CRISP2: variants seen among roughly 807,000 people sequenced by gnomAD.
CRISP2 encodes the protein cysteine rich secretory protein 2.
Under a neutral mutation model 31.7 loss-of-function variants are expected in CRISP2, and 29 were observed. The observed-to-expected ratio is 0.92, with a 90% CI of 0.68 to 1.25. The LOEUF is 1.25. Among genes scored for constraint, CRISP2 ranks in the 50% most tolerant of loss-of-function variants. The pLI, the probability that CRISP2 is intolerant of heterozygous loss-of-function variation, is 0.00. For missense variants in CRISP2, 318 were observed against 286.5 expected (o/e 1.11, Z -0.79); for synonymous variants, 111 against 101.4 (o/e 1.09, Z -0.57).
At chr6:49,699,719 GTCT>G in intron 6 of CRISP2, 82 bp downstream of exon 6, 1 of 939,182 alleles carries the variant, frequency 1.1e-6, no homozygotes, top group Non-Finnish European at 1.6e-6. Context: ...TATTTTCAAA[GTCT>G]TCTTATTATA....
chr6:49,678,565 T>A, the CRISP2 span, among the ~76,000 whole-genome samples: 140 of 152,242 alleles, frequency 9.2e-4, 2 homozygotes, highest in African/African-American at 3.2e-3. Context: ...CTCCCTGGCT[T>A]TCTGTTTCTC....
intron 4 of CRISP2, among the ~76,000 whole-genome samples, chr6:49,701,494 GTGTGTGTATA>G (rs1460076146): frequency 2.1e-4 from 9 of 43,002 alleles, no homozygotes; most frequent in African/African-American, 1.3e-3. Context: ...ACGTGTGTGT[GTGTGTGTATA>G]TATATATATA....
chr6:49,691,512 T>G (rs1764052998), downstream of CRISP2, among the ~76,000 whole-genome samples: 1 of 152,168 alleles, frequency 6.6e-6, no homozygotes, highest in African/African-American at 2.4e-5. Flanking sequence ...TATGTTTTCC[T>G]TTTACTATAT....
downstream of CRISP2, among the ~76,000 whole-genome samples, chr6:49,690,047 G>A (rs777513270): frequency 3.9e-5 from 6 of 152,078 alleles, no homozygotes; most frequent in Non-Finnish European, 7.4e-5. Flanking sequence ...ACTTGCATTT[G>A]GAACATAGTT....
chr6:49,709,484 TA>T (rs1468516466), intron 3 of CRISP2, among the ~76,000 whole-genome samples: 4 of 152,204 alleles, frequency 2.6e-5, no homozygotes, highest in Non-Finnish European at 5.9e-5. Flanking sequence ...TCTTTCTGCC[TA>T]CTTCTGCTAC....
Position 49,709,221 on chromosome 6 carries a change from CA to C in CRISP2, c.-9-17del. 6.2e-7 allele frequency: 1 copy of C among 1,611,696 alleles called. No individual in the cohort carries two copies. ...TTGCTGGAAACTAAGTCAAGAAAAA[CA>C]AAGGTCTGCATTGAAATATGTAGTT... On this transcript the variant is annotated splice_polypyrimidine_tract_variant and intron_variant, in intron 3 of 9. Transcript: ENST00000339139.
rs199692285 is a variant in CRISP2 at position 49,701,610 on chromosome 6, GTATATATATATACAT to G, written c.67-841_67-827del. Among the ~76,000 whole-genome samples, 65 of 57,484 alleles carry G rather than the reference GTATATATATATACAT, an allele frequency of 1.1e-3. 4 individuals carry two copies. Among genetic ancestry groups the G allele is most frequent in the African/African-American group, 4.0e-3 (50 of 12,480 alleles). 37.7% of individuals were successfully genotyped at this position (57,484 alleles called of 152,430 possible). On this transcript the variant is annotated intron_variant, in intron 4 of 9. Coordinates refer to ENST00000339139, the MANE Select transcript of CRISP2 (RefSeq NM_003296.4). ...GTGTATATATATACACACACACACG[GTATATATATATACAT>G]TATATATGTATACATTATATATGTA...
intron 4 of CRISP2, among the ~76,000 whole-genome samples, chr6:49,707,692 G>A (rs1238650979): frequency 6.6e-6 from 1 of 152,172 alleles, no homozygotes; most frequent in Non-Finnish European, 1.5e-5. Context: ...GCCAAATGAA[G>A]TTTGAACTGA....
chr6:49,698,688 G>A (rs946149547), intron 6 of CRISP2, among the ~76,000 whole-genome samples, 181 bp from the exon 7 acceptor site: 1 of 152,090 alleles, frequency 6.6e-6, no homozygotes, highest in African/African-American at 2.4e-5. Flanking sequence ...ACACTTAACT[G>A]CCTGACACAC....
At chr6:49,709,245 G>A (rs973347742) in intron 3 of CRISP2, 40 bp from the exon 4 acceptor site, 9 of 1,586,578 alleles carry the variant, frequency 5.7e-6, no homozygotes, top group Non-Finnish European at 5.2e-6. Flanking sequence ...GAAATATGTA[G>A]TTTAAAAAAC....
the CRISP2 span, among the ~76,000 whole-genome samples, chr6:49,678,478 C>T: frequency 2.0e-5 from 3 of 152,038 alleles, no homozygotes; most frequent in Admixed American, 1.3e-4. Flanking sequence ...CCAGACGAAT[C>T]TGTACAATGG....
downstream of CRISP2, among the ~76,000 whole-genome samples, chr6:49,687,441 C>T (rs898060878): frequency 6.6e-6 from 1 of 152,168 alleles, no homozygotes; most frequent in Admixed American, 6.5e-5. Context: ...TTATCTAACT[C>T]TTCCTGTCCT....
intron 8 of CRISP2, 125 bp downstream of exon 8, chr6:49,697,735 T>C (rs749891514): frequency 2.6e-6 from 4 of 1,555,774 alleles, no homozygotes; most frequent in Non-Finnish European, 3.5e-6. Context: ...TTAAAAAACA[T>C]TTCCAAACGT....
chr6:49,679,551 C>A, the CRISP2 span, among the ~76,000 whole-genome samples: 1 of 152,072 alleles, frequency 6.6e-6, no homozygotes, highest in East Asian at 1.9e-4. Context: ...GGAATATTCT[C>A]CCCTAATGAC....
At chr6:49,707,011 A>C (rs1358752022) in intron 4 of CRISP2, among the ~76,000 whole-genome samples, 2 of 152,150 alleles carry the variant, frequency 1.3e-5, no homozygotes, top group African/African-American at 4.8e-5. Flanking sequence ...GACCTAAAAA[A>C]ATCTGGTTTT....
chr6:49,713,152 C>T (rs930553070), intron 1 of CRISP2, among the ~76,000 whole-genome samples: 4 of 152,014 alleles, frequency 2.6e-5, no homozygotes, highest in African/African-American at 4.8e-5. Flanking sequence ...AATTTGACTT[C>T]GTAAAAAGCA....
rs775736244 is a variant in CRISP2 at position 49,697,841 on chromosome 6, C to T, written c.515+19G>A. ...TGCAGATAGAATTATTGCCATTAAACTCTAAACAGTCTACTTACGCAGGAC... is the reference window on the plus strand; with the variant it reads ...TGCAGATAGAATTATTGCCATTAAATTCTAAACAGTCTACTTACGCAGGAC... On this transcript the variant is annotated intron_variant, in intron 8 of 9. Transcript: ENST00000339139. 7 of 1,607,860 alleles carry T rather than the reference C, an allele frequency of 4.4e-6. No homozygotes were observed. Among genetic ancestry groups the T allele is most frequent in the Non-Finnish European group, 6.0e-6 (7 of 1,174,830 alleles).
At chr6:49,679,198 C>T in the CRISP2 span, among the ~76,000 whole-genome samples, 1 of 152,026 alleles carries the variant, frequency 6.6e-6, no homozygotes, top group African/African-American at 2.4e-5. Flanking sequence ...AGCTCTAAGT[C>T]TTTGTCATAT....
intron 4 of CRISP2, among the ~76,000 whole-genome samples, chr6:49,706,242 T>C (rs1362082315): frequency 1.3e-5 from 2 of 152,222 alleles, no homozygotes; most frequent in Non-Finnish European, 2.9e-5. Context: ...CAGTTTTCCT[T>C]GACATGGTAT....
Sources: allele counts gnomAD v4.1 joint callset (sites outside exome capture counted in the v4.1 genomes callset), GRCh38; gene constraint gnomAD v4.1.1; transcripts MANE v1.5; gene names NCBI Gene and HGNC (gene_info 2026-07-23, HGNC 2026-07-21).